The following PEX7 variants were observed in gnomAD, a reference collection of about 807,000 sequenced individuals.
PEX7 encodes peroxisomal biogenesis factor 7, also known as PTS2 receptor.
PEX7 carries 34 observed loss-of-function variants against 47.5 expected under a neutral mutation model. The observed-to-expected ratio is 0.72, with a 90% CI of 0.54 to 0.95. PEX7 has a LOEUF of 0.95. Among genes scored for constraint, PEX7 ranks in the 40% least tolerant of loss-of-function variants. The pLI, the probability that PEX7 is intolerant of heterozygous loss-of-function variation, is 0.00. For synonymous variants in PEX7, 141 were observed against 148.8 expected, an observed-to-expected ratio of 0.95 and a Z score of 0.38; for missense variants, 394 against 400.3, an observed-to-expected ratio of 0.98 and a Z score of 0.13.
intron 8 of PEX7, among the ~76,000 whole-genome samples, chr6:136,893,900 T>G (rs1775599483): frequency 6.6e-6 from 1 of 152,246 alleles, no homozygotes; most frequent in Non-Finnish European, 1.5e-5. Context: ...AAAAATATTT[T>G]AAACCTTCTG....
intron 8 of PEX7, among the ~76,000 whole-genome samples, chr6:136,897,319 C>T (rs932465379): frequency 6.6e-6 from 1 of 152,104 alleles, no homozygotes; most frequent in Non-Finnish European, 1.5e-5. Context: ...CTGAATGTGC[C>T]TGCCATTTTT....
At chr6:136,829,942 A>T in intron 3 of PEX7, 2 of 692,862 alleles carry the variant, frequency 2.9e-6, no homozygotes, top group South Asian at 1.6e-5. Flanking sequence ...GTCTTAAAAG[A>T]AAGTTATTAA....
intron 8 of PEX7, among the ~76,000 whole-genome samples, chr6:136,883,598 G>A (rs916272863): frequency 2.6e-5 from 4 of 151,924 alleles, no homozygotes; most frequent in Non-Finnish European, 4.4e-5. Flanking sequence ...AAACTTGGTC[G>A]TCTCCCTTTG....
intron 5 of PEX7, among the ~76,000 whole-genome samples, chr6:136,857,068 T>G (rs1774874084): frequency 6.6e-6 from 1 of 152,214 alleles, no homozygotes; most frequent in African/African-American, 2.4e-5. Flanking sequence ...CTTCTTCCAC[T>G]CTGCAAAAAT....
rs182963711 is a variant in PEX7, at chr6:136,846,256, G to A, written c.526+75G>A. On this transcript the variant is annotated intron_variant, in intron 5 of 9. Coordinates refer to ENST00000318471, the MANE Select transcript of PEX7 (RefSeq NM_000288.4). ...CTTGTTTTTACCATTAGGTGGCGCTGTGTACCTTAGCTTCAGAGAGAAAAC... is the reference window on the plus strand; with the variant it reads ...CTTGTTTTTACCATTAGGTGGCGCTATGTACCTTAGCTTCAGAGAGAAAAC... The A allele has an allele frequency of 1.8e-3, 1,405 of 769,168 alleles. 20 individuals are homozygous for A. In the African/African-American group the frequency reaches 0.02, roughly 11 times the overall value. The allele number at this position is 769,168 out of a possible 1,614,324, so 47.6% of individuals were successfully genotyped here.
chr6:136,892,251 G>A (rs183757317), intron 8 of PEX7, among the ~76,000 whole-genome samples: 1 of 152,280 alleles, frequency 6.6e-6, no homozygotes, highest in East Asian at 1.9e-4. Context: ...TTTGGCTTAT[G>A]AAATTCTTTC....
At chr6:136,893,717 A>C (rs755828416) in intron 8 of PEX7, among the ~76,000 whole-genome samples, 1 of 152,346 alleles carries the variant, frequency 6.6e-6, no homozygotes, top group African/African-American at 2.4e-5. Context: ...AATGGAGAGG[A>C]GTATATAGTG....
intron 8 of PEX7, among the ~76,000 whole-genome samples, chr6:136,880,312 A>G (rs1775354650): frequency 6.6e-6 from 1 of 152,008 alleles, no homozygotes; most frequent in Non-Finnish European, 1.5e-5. Flanking sequence ...TAAACTATCA[A>G]CTTTCTAAGA....
chr6:136,867,439 T>C (rs1354790196), intron 6 of PEX7, among the ~76,000 whole-genome samples: 1 of 152,024 alleles, frequency 6.6e-6, no homozygotes, highest in Non-Finnish European at 1.5e-5. Flanking sequence ...TTGATAATCC[T>C]GACTCAGTGT....
intron 3 of PEX7, among the ~76,000 whole-genome samples, chr6:136,829,504 A>G (rs1774255450): frequency 6.6e-6 from 1 of 152,160 alleles, no homozygotes. Context: ...AAACCATTAC[A>G]CTGGGGGGTT....
At chr6:136,910,482 TAAGCAGCATG>T (rs1775916043) in intron 9 of PEX7, among the ~76,000 whole-genome samples, 1 of 152,162 alleles carries the variant, frequency 6.6e-6, no homozygotes, top group Non-Finnish European at 1.5e-5. Context: ...CGAAGAGGCA[TAAGCAGCATG>T]CTTGGATTTG....
At chr6:136,826,107 T>C (rs1039900478) in intron 2 of PEX7, among the ~76,000 whole-genome samples, 1 of 152,196 alleles carries the variant, frequency 6.6e-6, no homozygotes, top group Non-Finnish European at 1.5e-5. Context: ...TACATTCCAC[T>C]GGACTGTTTT....
chr6:136,885,753 A>G (rs574794356), intron 8 of PEX7, among the ~76,000 whole-genome samples: 15 of 152,342 alleles, frequency 9.8e-5, no homozygotes, highest in Admixed American at 3.9e-4. Context: ...AAATGTAAAT[A>G]GGGAGTACTG....
chr6:136,899,080 C>CTTTT (rs71547049), intron 9 of PEX7, among the ~76,000 whole-genome samples: 34 of 111,976 alleles, frequency 3.0e-4, no homozygotes, highest in East Asian at 5.3e-4. Flanking sequence ...TTTTTCTTTT[C>CTTTT]TTTTTTTTTT....
intron 5 of PEX7, among the ~76,000 whole-genome samples, chr6:136,857,686 CT>C (rs35336705): frequency 0.64 from 97,275 of 152,010 alleles, 31,256 homozygotes; most frequent in African/African-American, 0.7. Flanking sequence ...ATTTAAACCT[CT>C]TGTCTCCTCA....
Position 136,822,822 on chromosome 6 carries a change from C to T in PEX7, c.130+27C>T, listed in dbSNP as rs1311242571. ...TGAGGCGGCGCCGCGCAGCTGGGGC[C>T]GGGGGGCGGAGGCGGAGGCGGGGGC... On this transcript the variant is annotated intron_variant, in intron 1 of 9. Transcript: ENST00000318471. 4.1e-6 allele frequency: 5 copies of T among 1,230,068 alleles called. No homozygotes were observed. In the African/African-American group the frequency reaches 6.6e-5, roughly 16 times the overall value. 76.2% of individuals were successfully genotyped at this position (1,230,068 alleles called of 1,614,324 possible). A position where few individuals can be genotyped will look rare whatever the true frequency, so the allele number is the denominator to read the frequency against.
intron 9 of PEX7, 126 bp downstream of exon 9, chr6:136,898,367 T>C (rs916270902): frequency 1.4e-6 from 1 of 712,706 alleles, no homozygotes; most frequent in Non-Finnish European, 2.6e-6. Context: ...GTTTGAGCAT[T>C]AAACTACTAG....
chr6:136,909,140 T>C (rs1463731376), intron 9 of PEX7, among the ~76,000 whole-genome samples: 1 of 152,244 alleles, frequency 6.6e-6, no homozygotes, highest in Non-Finnish European at 1.5e-5. Context: ...CTGTACATAC[T>C]TCTGACACAG....
At chr6:136,888,001 T>TG (rs1775496382) in intron 8 of PEX7, among the ~76,000 whole-genome samples, 1 of 152,082 alleles carries the variant, frequency 6.6e-6, no homozygotes, top group Admixed American at 6.6e-5. Flanking sequence ...AACTTTGGTG[T>TG]GGCTGATGGG....
Sources: allele counts gnomAD v4.1 joint callset (sites outside exome capture counted in the v4.1 genomes callset), GRCh38; gene constraint gnomAD v4.1.1; transcripts MANE v1.5; gene names NCBI Gene and HGNC (gene_info 2026-07-23, HGNC 2026-07-21).